CEP135: variants seen among roughly 807,000 people sequenced by gnomAD.
The protein encoded by CEP135 is centrosomal protein 135.
CEP135 carries 142 observed loss-of-function variants against 157.3 expected under a neutral mutation model. That is an observed-to-expected ratio of 0.90 (90% confidence interval 0.79 to 1.04). The LOEUF (loss-of-function observed/expected upper bound fraction) is 1.04, where lower values mean the gene tolerates loss of function less well. CEP135 is among the 50% of genes least tolerant of loss of function. CEP135 has a pLI of 0.00. For synonymous variants in CEP135, 396 were observed against 439.8 expected (o/e 0.90, Z 1.25); for missense variants, 1,317 against 1,309.2 (o/e 1.01, Z -0.09).
intron 21 of CEP135, 149 bp downstream of exon 21, chr4:56,012,134 T>G: frequency 1.3e-5 from 6 of 476,972 alleles, no homozygotes. Context: ...CTTTGCTTAC[T>G]GCACCCACCT....
chr4:55,991,133 G>T (rs1483244675), intron 14 of CEP135, among the ~76,000 whole-genome samples: 1 of 151,978 alleles, frequency 6.6e-6, no homozygotes, highest in East Asian at 1.9e-4. Context: ...GTGCCACCAC[G>T]CCTAGCTAAT....
chr4:55,969,373 G>A (rs1176351127), intron 9 of CEP135, among the ~76,000 whole-genome samples: 1 of 149,616 alleles, frequency 6.7e-6, no homozygotes, highest in African/African-American at 2.5e-5. Context: ...GTTGCAGTGA[G>A]CCGAGGTCAC....
chr4:55,958,595 T>C (rs531954042), intron 5 of CEP135, among the ~76,000 whole-genome samples: 17 of 152,338 alleles, frequency 1.1e-4, no homozygotes, highest in South Asian at 1.0e-3. Context: ...CATTAGTCTT[T>C]TTTAATTGTC....
At chr4:55,955,748 C>T (rs1318156750) in intron 4 of CEP135, among the ~76,000 whole-genome samples, 1 of 152,126 alleles carries the variant, frequency 6.6e-6, no homozygotes, top group Non-Finnish European at 1.5e-5. Flanking sequence ...GAGGGTGATA[C>T]TATTTCTTAA....
rs769347062 is a variant in CEP135 at position 56,019,556 on chromosome 4, G to C, written c.3215+1G>C. On this transcript the variant is annotated splice_donor_variant, in intron 23 of 25. Transcript: ENST00000257287. LOFTEE classifies it high-confidence loss of function. ...AGTTAACCCTTTCTGAAAGCAAATT[G>C]TAAGTGTCTTAAGTCAACTTATGCA... 1 of 1,605,786 alleles carries C rather than the reference G, an allele frequency of 6.2e-7. No individual in the cohort carries two copies. Among genetic ancestry groups the C allele is most frequent in the Non-Finnish European group, 8.5e-7 (1 of 1,176,940 alleles).
chr4:55,988,533 G>C (rs867006134), intron 14 of CEP135, among the ~76,000 whole-genome samples: 2 of 152,022 alleles, frequency 1.3e-5, no homozygotes, highest in Non-Finnish European at 2.9e-5. Context: ...GGTGGCACGC[G>C]CCTGTAGTCC....
chr4:55,970,525 A>T (rs1560403298), intron 9 of CEP135, among the ~76,000 whole-genome samples: 1 of 152,190 alleles, frequency 6.6e-6, no homozygotes, highest in Non-Finnish European at 1.5e-5. Context: ...TAAGTCAATT[A>T]AAAAGGAAGC....
In CEP135 at chr4:56,011,882, C is replaced by G. The variant is rs768054908; in HGVS notation, c.2699C>G (p.Ala900Gly). The G allele has an allele frequency of 1.9e-6, 3 of 1,607,236 alleles. No homozygotes were observed. Among genetic ancestry groups the G allele is most frequent in the Non-Finnish European group, 2.5e-6 (3 of 1,176,622 alleles). The change falls in exon 21 of 26, where the codon GCT (alanine) becomes GGT (glycine). Residue 900 changes from alanine (A) to glycine (G), a missense_variant. By Grantham distance (60) the Ala-to-Gly change is moderately conservative. Coordinates refer to ENST00000257287, the MANE Select transcript of CEP135 (RefSeq NM_025009.5). ...AEDWEVKAHQ[A>G]EGESSSVRLE... ...GACTGGGAGGTCAAAGCCCATCAAG[C>G]TGAGGGAGAAAGCAGCTCAGTTCGA...
chr4:55,985,161 T>G (rs997825916), intron 13 of CEP135, 120 bp from the exon 14 acceptor site: 4 of 480,712 alleles, frequency 8.3e-6, no homozygotes, highest in Non-Finnish European at 1.5e-5. Flanking sequence ...CTAAAACATT[T>G]CTGTGTTTTA....
At chr4:56,023,720 AATATATATTGTATC>A (rs1421121740) in intron 24 of CEP135, among the ~76,000 whole-genome samples, 1 of 143,450 alleles carries the variant, frequency 7.0e-6, no homozygotes, top group Non-Finnish European at 1.5e-5. Flanking sequence ...TATTATATGT[AATATATATTGTATC>A]ATATATAGTA....
At chr4:55,984,730 A>G (rs115305759) in intron 13 of CEP135, among the ~76,000 whole-genome samples, 2,529 of 152,342 alleles carry the variant, frequency 0.017, 46 homozygotes, top group Middle Eastern at 0.037. Context: ...AGTGAACACC[A>G]AGTTATATTG....
rs186155394 is a variant in CEP135, at chr4:56,028,442, C to A, written c.*12-2918C>A. Among the ~76,000 whole-genome samples the A allele has an allele frequency of 2.9e-3, 444 of 152,238 alleles. 2 individuals carry two copies. Among genetic ancestry groups the A allele is most frequent in the Non-Finnish European group, 4.7e-3 (322 of 68,010 alleles). On this transcript the variant is annotated intron_variant, in intron 25 of 25. Transcript: ENST00000257287. ...ATGCAGATTAGAAAGCTTTTATAAT[C>A]ATCAACAAACTCATAATTTATAACT...
At chr4:55,961,271 C>T (rs1174138286) in intron 6 of CEP135, among the ~76,000 whole-genome samples, 1 of 151,884 alleles carries the variant, frequency 6.6e-6, no homozygotes, top group Non-Finnish European at 1.5e-5. Context: ...AACTTCTTAC[C>T]ATCTCTGTGA....
chr4:56,008,314 G>A lies in CEP135; in HGVS notation c.2281-13G>A, dbSNP rs1486533114. ...TTGGTTTAAAATCTTACACATTTTT[G>A]TAATTTCTATAGGAAAAAGCTGTTG... On this transcript the variant is annotated splice_polypyrimidine_tract_variant and intron_variant, in intron 17 of 25. Transcript: ENST00000257287. The A allele has an allele frequency of 1.9e-6, 3 of 1,597,450 alleles. No individual in the cohort carries two copies.
chr4:55,951,593 A>T (rs577185545), intron 1 of CEP135, among the ~76,000 whole-genome samples: 1 of 152,256 alleles, frequency 6.6e-6, no homozygotes, highest in East Asian at 1.9e-4. Context: ...TAATGTTCTT[A>T]TTGGGATGTT....
Position 56,020,590 on chromosome 4 carries a change from C to A in CEP135, c.3216-86C>A, listed in dbSNP as rs959988159. Reference sequence around the variant, plus strand: ...AGAATTCTTGTTGAAAGGTCTTGATCTTCTCTTTATTAATTTAAAAAACCC... The same window carrying A: ...AGAATTCTTGTTGAAAGGTCTTGATATTCTCTTTATTAATTTAAAAAACCC... On this transcript the variant is annotated intron_variant, in intron 23 of 25. Transcript: ENST00000257287. 22 of 1,008,430 alleles carry A rather than the reference C, an allele frequency of 2.2e-5. 1 individual carries two copies. In the Middle Eastern group the frequency reaches 8.5e-4, roughly 39 times the overall value. 62.5% of individuals were successfully genotyped at this position (1,008,430 alleles called of 1,614,324 possible). A position where few individuals can be genotyped will look rare whatever the true frequency, so the allele number is the denominator to read the frequency against.
chr4:55,985,749 C>T (rs1319908979), intron 14 of CEP135, among the ~76,000 whole-genome samples: 2 of 152,146 alleles, frequency 1.3e-5, no homozygotes, highest in African/African-American at 4.8e-5. Context: ...CATGAGCCAC[C>T]ACGCCTGGCC....
At position 56,009,723 on chromosome 4, in the gene CEP135, C is replaced by T. The variant is rs761451061; in HGVS notation, c.2337-12C>T. 1 of 1,590,436 alleles carries T rather than the reference C, an allele frequency of 6.3e-7. No individual in the cohort carries two copies. Among genetic ancestry groups the T allele is most frequent in the South Asian group, 1.2e-5 (1 of 85,756 alleles). ...AGTTTTCTTTATTAGTTTCACATCA[C>T]TCATTTAACAGCCAGCTGAAAGAAA... On this transcript the variant is annotated splice_polypyrimidine_tract_variant and intron_variant, in intron 18 of 25. Coordinates refer to ENST00000257287, the MANE Select transcript of CEP135 (RefSeq NM_025009.5).
intron 17 of CEP135, among the ~76,000 whole-genome samples, chr4:56,003,309 C>T (rs1730242500): frequency 6.6e-6 from 1 of 152,056 alleles, no homozygotes; most frequent in Non-Finnish European, 1.5e-5. Flanking sequence ...GGGTTCACGC[C>T]ATTCTCCTGC....
Sources: allele counts gnomAD v4.1 joint callset (sites outside exome capture counted in the v4.1 genomes callset), GRCh38; gene constraint gnomAD v4.1.1; transcripts MANE v1.5; gene names NCBI Gene and HGNC (gene_info 2026-07-23, HGNC 2026-07-21).